Variants in PRKAA1 observed in about 807,000 individuals in gnomAD.
PRKAA1 encodes the protein protein kinase AMP-activated catalytic subunit alpha 1, also known as 5'-AMP-activated protein kinase catalytic subunit alpha-1.
A neutral mutation model predicts 56.9 loss-of-function variants in PRKAA1; 23 were observed. The observed-to-expected ratio is 0.40, with a 90% CI of 0.29 to 0.57. The LOEUF (loss-of-function observed/expected upper bound fraction) is 0.57, where lower values mean the gene tolerates loss of function less well. Among genes scored for constraint, PRKAA1 ranks in the 20% least tolerant of loss-of-function variants. The pLI is 0.39. For missense variants in PRKAA1, 413 were observed against 679.7 expected, an observed-to-expected ratio of 0.61 and a Z score of 4.36; for synonymous variants, 226 against 227.0, an observed-to-expected ratio of 1.00 and a Z score of 0.04.
chr5:40,793,507 C>T (rs1418243019), intron 1 of PRKAA1, among the ~76,000 whole-genome samples: 2 of 152,210 alleles, frequency 1.3e-5, no homozygotes. Context: ...CATACTTAGA[C>T]TTTTTCTGCA....
intron 1 of PRKAA1, among the ~76,000 whole-genome samples, chr5:40,792,843 A>C (rs1744771164): frequency 6.6e-6 from 1 of 151,978 alleles, no homozygotes; most frequent in South Asian, 2.1e-4. Flanking sequence ...TGGGTGGATC[A>C]CCTGAGGTCA....
chr5:40,784,350 C>G (rs1744383144), intron 1 of PRKAA1, among the ~76,000 whole-genome samples: 1 of 152,124 alleles, frequency 6.6e-6, no homozygotes, highest in African/African-American at 2.4e-5. Context: ...TTCCCATATA[C>G]TTCAATCCCT....
At position 40,761,263 on chromosome 5, in the gene PRKAA1, TTAAA is replaced by T. The variant is rs763633699; in HGVS notation, c.*1511_*1514del. On this transcript the variant is annotated 3_prime_UTR_variant, in exon 9 of 9. Coordinates refer to ENST00000397128, the MANE Select transcript of PRKAA1 (RefSeq NM_006251.6). ...GAAATTTGGAGTTAACTTCAGAAATTTAAATATGGCTTGATTAGATGATATTGGG... is the reference window on the plus strand; with the variant it reads ...GAAATTTGGAGTTAACTTCAGAAATTTATGGCTTGATTAGATGATATTGGG... 4.6e-5 allele frequency: 7 copies of T among 152,140 alleles called. No individual in the cohort carries two copies. The highest frequency in any genetic ancestry group is 8.8e-5 in the Non-Finnish European group (6 of 68,000). The allele number at this position is 152,140 out of a possible 1,614,324, so 9.4% of individuals were successfully genotyped here. A position where few individuals can be genotyped will look rare whatever the true frequency, so the allele number is the denominator to read the frequency against.
At chr5:40,772,126 T>C (rs1048768707) in intron 3 of PRKAA1, among the ~76,000 whole-genome samples, 1 of 152,268 alleles carries the variant, frequency 6.6e-6, no homozygotes, top group Non-Finnish European at 1.5e-5. Context: ...CCTTCCTCTA[T>C]ATCTCATGAG....
intron 4 of PRKAA1, among the ~76,000 whole-genome samples, chr5:40,770,595 CTTT>C (rs750590564): frequency 1.2e-4 from 13 of 111,860 alleles, no homozygotes; most frequent in East Asian, 7.6e-4. Context: ...AAAATAAATT[CTTT>C]TTTTTTTTTT....
At chr5:40,773,027 A>G (rs1158233037) in intron 3 of PRKAA1, among the ~76,000 whole-genome samples, 1 of 152,204 alleles carries the variant, frequency 6.6e-6, no homozygotes, top group Non-Finnish European at 1.5e-5. Context: ...GCCTGCTCCC[A>G]AGAAGTCATA....
Position 40,775,405 on chromosome 5 carries a change from CT to C in PRKAA1, c.363+4del. 1 of 1,579,758 alleles carries C rather than the reference CT, an allele frequency of 6.3e-7. No homozygotes were observed. The highest frequency in any genetic ancestry group is 1.1e-5 in the South Asian group (1 of 90,312). ...TACATACAGAATTAAAGCAGAACAG[CT>C]TACCCTTCCATTCTTACAGATATAA... On this transcript the variant is annotated splice_donor_region_variant and intron_variant, in intron 3 of 8. Coordinates refer to ENST00000397128, the MANE Select transcript of PRKAA1 (RefSeq NM_006251.6).
At position 40,764,905 on chromosome 5, in the gene PRKAA1, T is replaced by C. The variant is rs756503559; in HGVS notation, c.1155A>G (p.Ala385=). 9 of 1,614,092 alleles carry C rather than the reference T, an allele frequency of 5.6e-6. No individual in the cohort carries two copies. In the East Asian group the frequency reaches 2.0e-4, roughly 36 times the overall value. ...GATTTAATTCATCAAGGGTATGGCG[T>C]GCCCTTGGTGTTTCAGCAACCAAGA... is the stretch of plus-strand genomic sequence containing the variant. The part of the protein sequence containing the change: ...VPFLVAETPR[A]RHTLDELNPQ... Residue 385 remains alanine (A), a synonymous_variant, in exon 7 of 9, where the codon GCA becomes GCG. Coordinates refer to ENST00000397128, the MANE Select transcript of PRKAA1 (RefSeq NM_006251.6).
chr5:40,774,278 C>T (rs1743885104), intron 3 of PRKAA1, among the ~76,000 whole-genome samples: 1 of 152,066 alleles, frequency 6.6e-6, no homozygotes, highest in African/African-American at 2.4e-5. Flanking sequence ...ACAGAAGGTA[C>T]AGAACAAGAC....
At chr5:40,767,353 T>A (rs1743508509) in intron 6 of PRKAA1, 113 bp downstream of exon 6, 1 of 838,746 alleles carries the variant, frequency 1.2e-6, no homozygotes, top group African/African-American at 1.7e-5. Flanking sequence ...ACTCTATTTT[T>A]TTCACATAAA....
In PRKAA1 at chr5:40,762,726, T is replaced by C; in HGVS notation, c.*52A>G. On this transcript the variant is annotated 3_prime_UTR_variant, in exon 9 of 9. Coordinates refer to ENST00000397128, the MANE Select transcript of PRKAA1 (RefSeq NM_006251.6). Reference sequence around the variant, plus strand: ...GATTACAAATGGAAGCATTTGGCTGTGACTTATTATGCATGCTTATTGCTG... The same window carrying C: ...GATTACAAATGGAAGCATTTGGCTGCGACTTATTATGCATGCTTATTGCTG... 6.3e-7 allele frequency: 1 copy of C among 1,597,384 alleles called. No individual in the cohort carries two copies. The highest frequency in any genetic ancestry group is 8.5e-7 in the Non-Finnish European group (1 of 1,169,694).
rs1743091313 is a variant in PRKAA1 at position 40,759,790 on chromosome 5, T to C, written c.*2988A>G. The C allele has an allele frequency of 1.3e-5, 2 of 152,210 alleles. No individual in the cohort carries two copies. Among genetic ancestry groups the C allele is most frequent in the South Asian group, 4.1e-4 (2 of 4,828 alleles). 9.4% of individuals were successfully genotyped at this position (152,210 alleles called of 1,614,324 possible). On this transcript the variant is annotated 3_prime_UTR_variant, in exon 9 of 9. Transcript: ENST00000397128. ...TTTTGTATAAAATCATCTAAAACTC[T>C]GAAAAACTACAAAAGCATCTCAAGA...
chr5:40,774,442 G>A (rs560653078), intron 3 of PRKAA1, among the ~76,000 whole-genome samples: 9 of 151,824 alleles, frequency 5.9e-5, no homozygotes, highest in African/African-American at 9.7e-5. Context: ...TATTCAACTG[G>A]TAAAACTGAA....
intron 1 of PRKAA1, among the ~76,000 whole-genome samples, chr5:40,795,766 C>T (rs154268): frequency 0.7 from 105,776 of 152,166 alleles, 36,828 homozygotes; most frequent in East Asian, 0.8. Context: ...CAAATGTGAT[C>T]ATGAACAAAT....
chr5:40,772,767 T>G (rs1172919307), intron 3 of PRKAA1, among the ~76,000 whole-genome samples: 1 of 152,094 alleles, frequency 6.6e-6, no homozygotes, highest in Non-Finnish European at 1.5e-5. Context: ...CCTAAGTAGT[T>G]GGGACCACAG....
At chr5:40,772,573 T>G (rs1243069803) in intron 3 of PRKAA1, among the ~76,000 whole-genome samples, 1 of 151,648 alleles carries the variant, frequency 6.6e-6, no homozygotes. Flanking sequence ...AAAAAAAAAA[T>G]CTTACATAGC....
chr5:40,778,062 A>T (rs1744099022), intron 1 of PRKAA1, among the ~76,000 whole-genome samples: 1 of 151,948 alleles, frequency 6.6e-6, no homozygotes, highest in Non-Finnish European at 1.5e-5. Flanking sequence ...CAACAAGAGC[A>T]AAACTCTGTC....
At chr5:40,792,735 T>C (rs1045351013) in intron 1 of PRKAA1, among the ~76,000 whole-genome samples, 39 of 152,326 alleles carry the variant, frequency 2.6e-4, no homozygotes, top group African/African-American at 9.4e-4. Flanking sequence ...ACAAAGTACC[T>C]ATGTAGCTGA....
At chr5:40,774,045 A>G (rs1743874401) in intron 3 of PRKAA1, among the ~76,000 whole-genome samples, 1 of 152,268 alleles carries the variant, frequency 6.6e-6, no homozygotes, top group African/African-American at 2.4e-5. Flanking sequence ...CTGATCCAAG[A>G]AAACATATTT....
Sources: gnomAD v4.1 joint callset for allele counts (sites outside exome capture counted in the v4.1 genomes callset) on GRCh38, gnomAD v4.1.1 for gene constraint, MANE v1.5 for transcripts, NCBI Gene and HGNC (gene_info 2026-07-23, HGNC 2026-07-21) for gene names.